Variants in MROH2B observed in about 807,000 individuals in gnomAD.
The protein encoded by MROH2B is maestro heat-like repeat-containing protein family member 2B.
A neutral mutation model predicts 208.6 loss-of-function variants in MROH2B; 177 were observed. The observed-to-expected ratio is 0.85, with a 90% CI of 0.75 to 0.96. The LOEUF (loss-of-function observed/expected upper bound fraction) is 0.96. Ranked by LOEUF, MROH2B falls within the 40% of genes least tolerant of loss-of-function variation. The probability of loss-of-function intolerance (pLI) is 0.00; values close to 1 mark genes in which losing one functional copy is unlikely to be tolerated. For synonymous variants in MROH2B, 728 were observed against 659.0 expected (o/e 1.10, Z -1.60); for missense variants, 2,002 against 1,878.7 (o/e 1.07, Z -1.21).
chr5:41,008,983 T>A (rs1180125565), intron 32 of MROH2B, among the ~76,000 whole-genome samples, 190 bp from the exon 33 acceptor site: 1 of 152,212 alleles, frequency 6.6e-6, no homozygotes, highest in African/African-American at 2.4e-5. Flanking sequence ...ACACTAGTCA[T>A]GTAAAATAAA....
intron 12 of MROH2B, 60 bp from the exon 13 acceptor site, chr5:41,051,150 T>G (rs1561301304): frequency 2.7e-6 from 3 of 1,105,450 alleles, no homozygotes; most frequent in Non-Finnish European, 3.7e-6. Context: ...CCCCTCTGAC[T>G]TTCCTTGGGT....
intron 35 of MROH2B, 55 bp downstream of exon 35, chr5:41,005,476 G>C: frequency 2.9e-6 from 3 of 1,049,334 alleles, no homozygotes; most frequent in Non-Finnish European, 4.0e-6. Context: ...CAGACCATAA[G>C]AGAAATACCC....
intron 24 of MROH2B, among the ~76,000 whole-genome samples, chr5:41,019,763 G>T (rs1200868279): frequency 6.6e-6 from 1 of 152,190 alleles, no homozygotes; most frequent in Non-Finnish European, 1.5e-5. Context: ...ATAAAATTCA[G>T]TACCAGCTGG....
chr5:41,050,096 C>A (rs977740954), intron 13 of MROH2B, among the ~76,000 whole-genome samples: 9 of 152,138 alleles, frequency 5.9e-5, no homozygotes, highest in African/African-American at 4.8e-5. Context: ...ATTTCTATTG[C>A]AATGACATTG....
intron 28 of MROH2B, 103 bp downstream of exon 28, chr5:41,017,747 G>A (rs1365247240): frequency 7.7e-6 from 10 of 1,294,034 alleles, no homozygotes; most frequent in Non-Finnish European, 1.0e-5. Context: ...GGAGAGAGGA[G>A]AGGGGAGGAG....
chr5:41,013,305 G>C (rs1435470976), intron 29 of MROH2B, among the ~76,000 whole-genome samples: 1 of 152,158 alleles, frequency 6.6e-6, no homozygotes, highest in Non-Finnish European at 1.5e-5. Flanking sequence ...GAAAAACTTT[G>C]CAATTGTTGT....
At chr5:41,021,074 TAATA>T (rs1417033537) in intron 24 of MROH2B, among the ~76,000 whole-genome samples, 2 of 152,198 alleles carry the variant, frequency 1.3e-5, no homozygotes, top group Non-Finnish European at 2.9e-5. Flanking sequence ...CTGTTAGAAC[TAATA>T]AATGAATTCA....
rs183262646 is a variant in MROH2B, at chr5:41,019,167, A to G, written c.2442-149T>C. 5 of 924,074 alleles carry G rather than the reference A, an allele frequency of 5.4e-6. No homozygotes were observed. In the East Asian group the frequency reaches 1.3e-4, roughly 24 times the overall value. 57.2% of individuals were successfully genotyped at this position (924,074 alleles called of 1,614,324 possible). On this transcript the variant is annotated intron_variant, in intron 24 of 41. Coordinates refer to ENST00000399564, the MANE Select transcript of MROH2B (RefSeq NM_173489.5). The stretch of plus-strand genomic sequence containing the variant: ...TTGGGATGTTGAGAAAGGTGGTGAC[A>G]GGAGTAGGGAGAGATGGGAACACAG...
At chr5:41,045,591 T>G (rs981013796) in intron 18 of MROH2B, among the ~76,000 whole-genome samples, 155 bp downstream of exon 18, 3 of 151,786 alleles carry the variant, frequency 2.0e-5, no homozygotes, top group Non-Finnish European at 4.4e-5. Context: ...GAAGGTCATA[T>G]TCAACTTTCA....
chr5:41,038,237 C>G (rs1742824693), intron 21 of MROH2B, among the ~76,000 whole-genome samples: 1 of 152,144 alleles, frequency 6.6e-6, no homozygotes, highest in Non-Finnish European at 1.5e-5. Flanking sequence ...CATGGGCTAA[C>G]ACTTCTGATA....
chr5:41,032,962 TC>T (rs1482221900), intron 23 of MROH2B, 78 bp downstream of exon 23: 23 of 1,582,518 alleles, frequency 1.5e-5, no homozygotes, highest in Non-Finnish European at 1.9e-5. Context: ...TGAAGTCTAT[TC>T]ACTTTTTAAA....
intron 14 of MROH2B, 34 bp downstream of exon 14, chr5:41,049,246 A>G: frequency 6.2e-7 from 1 of 1,611,790 alleles, no homozygotes; most frequent in African/African-American, 1.3e-5. Context: ...CCCTCATAAT[A>G]GAAAAGCTTT....
intron 34 of MROH2B, among the ~76,000 whole-genome samples, chr5:41,006,361 G>GA (rs1033856589): frequency 4.6e-5 from 7 of 152,140 alleles, no homozygotes; most frequent in African/African-American, 9.7e-5. Context: ...TGGATGCCGT[G>GA]AAAAGAGAAT....
chr5:41,012,859 T>A, intron 29 of MROH2B, 124 bp from the exon 30 acceptor site: 1 of 1,197,122 alleles, frequency 8.4e-7, no homozygotes, highest in Non-Finnish European at 1.2e-6. Flanking sequence ...CAGTTTTGAT[T>A]GAGGCCACAG....
chr5:41,031,099 C>T (rs558700798), intron 24 of MROH2B, among the ~76,000 whole-genome samples: 1 of 152,024 alleles, frequency 6.6e-6, no homozygotes, highest in Non-Finnish European at 1.5e-5. Flanking sequence ...AGCGCATTTT[C>T]ACAGAGCTAT....
chr5:41,041,909 G>A (rs1465083316), intron 19 of MROH2B, among the ~76,000 whole-genome samples, 183 bp downstream of exon 19: 1 of 152,164 alleles, frequency 6.6e-6, no homozygotes, highest in Non-Finnish European at 1.5e-5. Context: ...GGTTAAAAAT[G>A]AAGTATTGAT....
At chr5:41,033,213 G>C in intron 22 of MROH2B, 53 bp from the exon 23 acceptor site, 1 of 1,598,434 alleles carries the variant, frequency 6.3e-7, no homozygotes, top group Non-Finnish European at 8.5e-7. Context: ...CCACACTCAG[G>C]TCTATTAACA....
chr5:41,025,677 T>C (rs1371813849), intron 24 of MROH2B, among the ~76,000 whole-genome samples: 4 of 152,104 alleles, frequency 2.6e-5, no homozygotes, highest in Non-Finnish European at 5.9e-5. Context: ...CCTCCCTAAC[T>C]CATTTTATGA....
Position 41,056,817 on chromosome 5 carries a change from C to G in MROH2B, c.919+292G>C, listed in dbSNP as rs150186475. Among the ~76,000 whole-genome samples, 19 of 149,488 alleles carry G rather than the reference C, an allele frequency of 1.3e-4. No homozygotes were observed. The East Asian group carries it at 3.4e-3, about 27-fold the overall frequency. ...AGAAATTTCCTATTTTTAGGATTGT[C>G]AACTCACTCCAGTTTTCCAAGGACT... On this transcript the variant is annotated intron_variant, in intron 9 of 41. Transcript: ENST00000399564.
Sources: allele counts gnomAD v4.1 joint callset (sites outside exome capture counted in the v4.1 genomes callset), GRCh38; gene constraint gnomAD v4.1.1; transcripts MANE v1.5; gene names NCBI Gene and HGNC (gene_info 2026-07-23, HGNC 2026-07-21).